Variants in SCFD1 observed in about 807,000 individuals in gnomAD.
The protein encoded by SCFD1 is sec1 family domain containing 1, also known as sec1 family domain-containing protein 1.
Under a neutral mutation model 103.2 loss-of-function variants are expected in SCFD1, and 37 were observed. The observed-to-expected ratio is 0.36, with a 90% confidence interval of 0.28 to 0.47. The LOEUF (loss-of-function observed/expected upper bound fraction) is 0.47. SCFD1 is among the 20% of genes least tolerant of loss of function. The pLI, the probability that SCFD1 is intolerant of heterozygous loss-of-function variation, is 1.00. For missense variants in SCFD1, 639 were observed against 761.2 expected, an observed-to-expected ratio of 0.84 and a Z score of 1.89; for synonymous variants, 264 against 245.0, an observed-to-expected ratio of 1.08 and a Z score of -0.73.
At position 30,640,820 on chromosome 14, in the gene SCFD1, G is replaced by A. The variant is rs182379776; in HGVS notation, c.523+956G>A. On this transcript the variant is annotated intron_variant, in intron 6 of 24. Transcript: ENST00000458591. ...TGAGTGTAAAATTTGCTAAATATTC[G>A]TATACTTATAAGTTTAATTACATTT... is the stretch of plus-strand genomic sequence containing the variant. Among the ~76,000 whole-genome samples the A allele has an allele frequency of 5.9e-5, 9 of 151,904 alleles. No homozygotes were observed. In the East Asian group the frequency reaches 1.5e-3, roughly 26 times the overall value.
At chr14:30,643,864 TCAAC>T (rs1594591356) in intron 7 of SCFD1, 3 of 436,564 alleles carry the variant, frequency 6.9e-6, no homozygotes, top group African/African-American at 2.0e-5. Context: ...TTTTTTATTT[TCAAC>T]TTTTATTTTA....
chr14:30,676,176 G>A (rs762356960), intron 14 of SCFD1: 1 of 152,162 alleles, frequency 6.6e-6, no homozygotes, highest in Non-Finnish European at 1.5e-5. Context: ...ACAACAGAGA[G>A]CTATATTGAG....
At chr14:30,729,354 T>A (rs971455813) in intron 23 of SCFD1, among the ~76,000 whole-genome samples, 1 of 152,196 alleles carries the variant, frequency 6.6e-6, no homozygotes, top group South Asian at 2.1e-4. Context: ...CCCTGAGTTT[T>A]CCTCTAAGAA....
chr14:30,649,605 GT>G, intron 8 of SCFD1, 22 bp downstream of exon 8: 1 of 1,544,242 alleles, frequency 6.5e-7, no homozygotes, highest in Non-Finnish European at 8.7e-7. Flanking sequence ...CGGATATCAC[GT>G]GGAGATAAAT....
At chr14:30,684,252 C>T (rs1291734322) in intron 14 of SCFD1, among the ~76,000 whole-genome samples, 1 of 152,170 alleles carries the variant, frequency 6.6e-6, no homozygotes, top group Non-Finnish European at 1.5e-5. Flanking sequence ...CTCAAGTGAT[C>T]CTCATGCCTC....
At chr14:30,714,784 A>G (rs957096831) in intron 19 of SCFD1, among the ~76,000 whole-genome samples, 1 of 152,244 alleles carries the variant, frequency 6.6e-6, no homozygotes, top group Non-Finnish European at 1.5e-5. Context: ...AGTACAATAG[A>G]TACAAGACTG....
chr14:30,729,173 AT>A (rs1374604874), intron 23 of SCFD1, among the ~76,000 whole-genome samples: 1 of 151,834 alleles, frequency 6.6e-6, no homozygotes, highest in African/African-American at 2.4e-5. Flanking sequence ...TGATTTCCAG[AT>A]TTTTTCCCCC....
intron 15 of SCFD1, among the ~76,000 whole-genome samples, chr14:30,699,935 A>G (rs1161781173): frequency 6.6e-6 from 1 of 152,208 alleles, no homozygotes; most frequent in Non-Finnish European, 1.5e-5. Context: ...AAATCTCAAC[A>G]TTATACACAA....
At chr14:30,655,204 T>A (rs988864391) in intron 10 of SCFD1, among the ~76,000 whole-genome samples, 1 of 152,176 alleles carries the variant, frequency 6.6e-6, no homozygotes, top group Middle Eastern at 3.2e-3. Context: ...TTCTCACTGA[T>A]AAAATGACAT....
rs1431270439 is a variant in SCFD1 at position 30,652,809 on chromosome 14, C to T, written c.756-680C>T. 3.3e-5 allele frequency among the ~76,000 whole-genome samples: 5 copies of T among 152,010 alleles called. No individual in the cohort carries two copies. In the East Asian group the frequency reaches 5.8e-4, roughly 18 times the overall value. The stretch of plus-strand genomic sequence containing the variant: ...ATCACTTGAGCCTAGGAGTTCAAGA[C>T]CAGCCTGGGCAATGTGGTTAGTTGC... On this transcript the variant is annotated intron_variant, in intron 9 of 24. Transcript: ENST00000458591.
intron 17 of SCFD1, among the ~76,000 whole-genome samples, chr14:30,705,298 G>C (rs1265346984): frequency 6.6e-6 from 1 of 152,156 alleles, no homozygotes; most frequent in East Asian, 1.9e-4. Context: ...GACAGCATGA[G>C]CAAAGGCATG....
chr14:30,659,767 A>AT (rs5807592), intron 10 of SCFD1, among the ~76,000 whole-genome samples: 3 of 151,638 alleles, frequency 2.0e-5, no homozygotes, highest in Non-Finnish European at 2.9e-5. Context: ...AATAATAAAG[A>AT]TTTTTTTTTC....
At chr14:30,735,379 A>C (rs1249716998) in intron 24 of SCFD1, among the ~76,000 whole-genome samples, 2 of 152,126 alleles carry the variant, frequency 1.3e-5, no homozygotes, top group Admixed American at 1.3e-4. Context: ...TCAGCCTCCC[A>C]AATAGCTAGG....
chr14:30,704,955 C>G (rs927394335), intron 17 of SCFD1, among the ~76,000 whole-genome samples: 12 of 152,244 alleles, frequency 7.9e-5, no homozygotes, highest in Middle Eastern at 3.4e-3. Flanking sequence ...TGGTAGGATT[C>G]TTCTGGGAGC....
chr14:30,719,522 A>T, intron 21 of SCFD1, 145 bp downstream of exon 21: 1 of 627,690 alleles, frequency 1.6e-6, no homozygotes, highest in Non-Finnish European at 2.8e-6. Context: ...CTCATTATCC[A>T]GAGATATCTC....
rs542151838 is a variant in SCFD1, at chr14:30,656,299, GTATAC to G, written c.855+2714_855+2718del. ...AAATGACGGAAATTACAACATGTTT[GTATAC>G]TAATGGGAATGATCCAAACAGCGAA... On this transcript the variant is annotated intron_variant, in intron 10 of 24. Transcript: ENST00000458591. 1.3e-3 allele frequency among the ~76,000 whole-genome samples: 195 copies of G among 152,294 alleles called. 1 individual carries two copies. Among genetic ancestry groups the G allele is most frequent in the African/African-American group, 4.3e-3 (178 of 41,564 alleles).
At chr14:30,643,272 A>C in intron 6 of SCFD1, 44 bp from the exon 7 acceptor site, 1 of 1,190,440 alleles carries the variant, frequency 8.4e-7, no homozygotes. Flanking sequence ...AAGATGAGGC[A>C]TAAGTTTGGG....
intron 14 of SCFD1, among the ~76,000 whole-genome samples, chr14:30,684,899 C>T (rs1447928436): frequency 4.1e-5 from 4 of 97,438 alleles, no homozygotes; most frequent in Non-Finnish European, 7.6e-5. Context: ...CATGCTGGTG[C>T]GCTGCACCCA....
At chr14:30,640,010 AAAC>A in intron 6 of SCFD1, 146 bp downstream of exon 6, 4 of 954,120 alleles carry the variant, frequency 4.2e-6, no homozygotes, top group Admixed American at 7.8e-5. Context: ...CACACAGAGA[AAAC>A]AAGGCTCAGA....
Sources: gnomAD v4.1 joint callset for allele counts (sites outside exome capture counted in the v4.1 genomes callset) on GRCh38, gnomAD v4.1.1 for gene constraint, MANE v1.5 for transcripts, NCBI Gene and HGNC (gene_info 2026-07-23, HGNC 2026-07-21) for gene names.